DAB1: variants seen among roughly 807,000 people sequenced by gnomAD.
DAB1 encodes DAB adaptor protein 1.
DAB1 carries 15 observed loss-of-function variants against 64.6 expected under a neutral mutation model. The observed-to-expected ratio is 0.23, with a 90% CI of 0.16 to 0.36. The LOEUF (loss-of-function observed/expected upper bound fraction) is 0.36, where lower values mean the gene tolerates loss of function less well. Among genes scored for constraint, DAB1 ranks in the 10% least tolerant of loss-of-function variants. The pLI is 1.00. For synonymous variants in DAB1, 235 were observed against 251.9 expected, an observed-to-expected ratio of 0.93 and a Z score of 0.64; for missense variants, 596 against 706.7, an observed-to-expected ratio of 0.84 and a Z score of 1.78.
At chr1:57,964,557 C>A (rs1034666148) in intron 5 of DAB1, among the ~76,000 whole-genome samples, 1 of 152,092 alleles carries the variant, frequency 6.6e-6, no homozygotes, top group Non-Finnish European at 1.5e-5. Flanking sequence ...GAGTATTTAC[C>A]GAGTGTCTAT....
intron 7 of DAB1, among the ~76,000 whole-genome samples, chr1:57,551,023 A>T (rs1365399490): frequency 6.6e-6 from 1 of 152,192 alleles, no homozygotes; most frequent in Non-Finnish European, 1.5e-5. Context: ...TCAGGGGCTA[A>T]ATGTCTTGTC....
At chr1:57,396,198 G>A (rs569375632) in intron 1 of DAB1, among the ~76,000 whole-genome samples, 12 of 152,244 alleles carry the variant, frequency 7.9e-5, no homozygotes, top group South Asian at 2.1e-4. Context: ...CGCTAGCACC[G>A]AACACATAAA....
chr1:57,687,457 A>G (rs1646711581), intron 6 of DAB1, among the ~76,000 whole-genome samples: 1 of 152,116 alleles, frequency 6.6e-6, no homozygotes, highest in South Asian at 2.1e-4. Context: ...TAAAATGACC[A>G]TACTGCCCAA....
chr1:57,606,633 T>TTATATATGAAATATATATTATGTATGAAA (rs1558535718), intron 7 of DAB1, among the ~76,000 whole-genome samples: 37 of 96,312 alleles, frequency 3.8e-4, no homozygotes, highest in African/African-American at 7.6e-4. Context: ...ATGAAATATA[T>TTATATATGAAATATATATTATGTATGAAA]TATATATGAA....
chr1:57,511,362 C>T (rs1391671336), intron 7 of DAB1, among the ~76,000 whole-genome samples: 5 of 152,194 alleles, frequency 3.3e-5, no homozygotes, highest in Non-Finnish European at 7.3e-5. Flanking sequence ...CTGCTGATTA[C>T]ACCCAACAAG....
At chr1:57,199,132 A>G (rs1436821531) in intron 2 of DAB1, among the ~76,000 whole-genome samples, 1 of 152,230 alleles carries the variant, frequency 6.6e-6, no homozygotes, top group African/African-American at 2.4e-5. Context: ...GTGACTCCAC[A>G]TCCACTCCAC....
intron 7 of DAB1, among the ~76,000 whole-genome samples, chr1:57,523,152 C>G (rs192757228): frequency 1.1e-4 from 16 of 152,116 alleles, no homozygotes; most frequent in Admixed American, 4.6e-4. Flanking sequence ...TAGTCCTGTC[C>G]CTCTAGAGAA....
At chr1:57,965,054 T>TGTGTGAAGAATGGATGGAACATTCAC (rs1460878299) in intron 5 of DAB1, among the ~76,000 whole-genome samples, 1 of 152,192 alleles carries the variant, frequency 6.6e-6, no homozygotes, top group African/African-American at 2.4e-5. Context: ...GGAACATTCA[T>TGTGTGAAGAATGGATGGAACATTCAC]GTGTGAAGAA....
chr1:58,523,162 G>C (rs1339614481), intron 2 of DAB1, among the ~76,000 whole-genome samples: 1 of 152,078 alleles, frequency 6.6e-6, no homozygotes, highest in Non-Finnish European at 1.5e-5. Flanking sequence ...CCCCTGATAA[G>C]GTGTTTCTAT....
chr1:57,115,539 G>A (rs980293198), intron 4 of DAB1, among the ~76,000 whole-genome samples: 12 of 152,212 alleles, frequency 7.9e-5, no homozygotes, highest in Admixed American at 5.9e-4. Context: ...CAGTGTCACT[G>A]AGAAAGTGAG....
chr1:58,448,688 C>A (rs1353300517), intron 3 of DAB1, among the ~76,000 whole-genome samples: 1 of 152,176 alleles, frequency 6.6e-6, no homozygotes, highest in African/African-American at 2.4e-5. Flanking sequence ...GGGACACAAG[C>A]ACAAGAGATG....
intron 1 of DAB1, among the ~76,000 whole-genome samples, chr1:57,310,462 G>A (rs544158253): frequency 1.3e-5 from 2 of 152,230 alleles, no homozygotes; most frequent in South Asian, 4.1e-4. Context: ...TCAACAAAGT[G>A]GATACCAGAG....
At chr1:57,187,087 C>T (rs941441318) in intron 2 of DAB1, among the ~76,000 whole-genome samples, 1 of 152,114 alleles carries the variant, frequency 6.6e-6, no homozygotes, top group Admixed American at 6.5e-5. Flanking sequence ...CTTCATATTG[C>T]ACATAAAATT....
chr1:57,754,693 T>TAAAC (rs544965858), intron 6 of DAB1, among the ~76,000 whole-genome samples: 2 of 149,944 alleles, frequency 1.3e-5, no homozygotes, highest in African/African-American at 2.5e-5. Flanking sequence ...CTGTCTAAAA[T>TAAAC]AAACAAACAA....
At chr1:58,538,738 C>T (rs879291741) in intron 1 of DAB1, 3 of 697,810 alleles carry the variant, frequency 4.3e-6, no homozygotes, top group African/African-American at 3.6e-5. Flanking sequence ...TACGTTAGCA[C>T]AAAATATTAA....
At chr1:58,025,486 T>C (rs1228249794) in intron 5 of DAB1, among the ~76,000 whole-genome samples, 3 of 151,472 alleles carry the variant, frequency 2.0e-5, no homozygotes, top group African/African-American at 7.3e-5. Flanking sequence ...TCCCTTCAGC[T>C]TCATAGATTT....
intron 4 of DAB1, among the ~76,000 whole-genome samples, chr1:58,303,435 G>T (rs558412453): frequency 6.6e-6 from 1 of 152,248 alleles, no homozygotes; most frequent in Non-Finnish European, 1.5e-5. Flanking sequence ...GTTTAATATG[G>T]AGATGAACAG....
chr1:58,216,986 A>G (rs995667963), intron 4 of DAB1, among the ~76,000 whole-genome samples: 1 of 152,186 alleles, frequency 6.6e-6, no homozygotes, highest in African/African-American at 2.4e-5. Flanking sequence ...CTGAATTCAT[A>G]TGGATGCTTT....
At chr1:58,045,503 G>A (rs545126785) in intron 5 of DAB1, among the ~76,000 whole-genome samples, 39 of 152,110 alleles carry the variant, frequency 2.6e-4, no homozygotes, top group Non-Finnish European at 1.0e-4. Context: ...TGTTCCCGGC[G>A]ATAATGAGGT....
Sources: allele counts gnomAD v4.1 joint callset (sites outside exome capture counted in the v4.1 genomes callset), GRCh38; gene constraint gnomAD v4.1.1; transcripts MANE v1.5; gene names NCBI Gene and HGNC (gene_info 2026-07-23, HGNC 2026-07-21).